RUNDC3B: variants seen among roughly 807,000 people sequenced by gnomAD.
The protein encoded by RUNDC3B is RUN domain containing 3B, also known as RUN domain-containing protein 3B.
RUNDC3B carries 33 observed loss-of-function variants against 58.4 expected under a neutral mutation model. The observed-to-expected ratio is 0.56, with a 90% CI of 0.43 to 0.75. The LOEUF (loss-of-function observed/expected upper bound fraction) is 0.75. Among genes scored for constraint, RUNDC3B ranks in the 30% least tolerant of loss-of-function variants. The pLI is 0.00. For missense variants in RUNDC3B, 501 were observed against 535.7 expected, an observed-to-expected ratio of 0.94 and a Z score of 0.64; for synonymous variants, 193 against 195.2, an observed-to-expected ratio of 0.99 and a Z score of 0.10.
intron 2 of RUNDC3B, among the ~76,000 whole-genome samples, chr7:87,688,099 A>G (rs1827651843): frequency 6.6e-6 from 1 of 152,252 alleles, no homozygotes; most frequent in East Asian, 1.9e-4. Context: ...CTTTTAGACA[A>G]TGGGAGAGGC....
In RUNDC3B at chr7:87,631,873, G is replaced by C. The variant is rs117329945; in HGVS notation, c.122+2928G>C. On this transcript the variant is annotated intron_variant, in intron 1 of 10. Coordinates refer to ENST00000394654, the MANE Select transcript of RUNDC3B (RefSeq NM_001134405.2). ...TTGTCTGTAAAATAATATTGGACTA[G>C]ATCATTGTTAACCTTCAATTATAGG... 5.0e-3 allele frequency among the ~76,000 whole-genome samples: 755 copies of C among 152,232 alleles called. 4 individuals are homozygous for C. The highest frequency in any genetic ancestry group is 0.015 in the Admixed American group (236 of 15,286).
chr7:87,719,137 T>C (rs1341622499), intron 4 of RUNDC3B, among the ~76,000 whole-genome samples: 1 of 151,166 alleles, frequency 6.6e-6, no homozygotes, highest in African/African-American at 2.4e-5. Context: ...ACACATAAAA[T>C]CAATATTCAA....
chr7:87,810,377 T>G (rs565794194), intron 9 of RUNDC3B, among the ~76,000 whole-genome samples: 1 of 152,276 alleles, frequency 6.6e-6, no homozygotes, highest in South Asian at 2.1e-4. Context: ...TGTGATTAGT[T>G]TGCTGCCTAG....
intron 4 of RUNDC3B, among the ~76,000 whole-genome samples, chr7:87,711,252 G>A (rs1042295469): frequency 4.6e-5 from 7 of 151,978 alleles, no homozygotes; most frequent in African/African-American, 1.7e-4. Context: ...TTTGAACCCA[G>A]GAGGCAGAGG....
intron 2 of RUNDC3B, among the ~76,000 whole-genome samples, chr7:87,680,621 C>T (rs1444641461): frequency 6.7e-6 from 1 of 149,972 alleles, no homozygotes; most frequent in African/African-American, 2.5e-5. Flanking sequence ...GGTGAAACCC[C>T]GTTTCTACCA....
At chr7:87,703,914 G>GTTTTTTTTTTTTT (rs35797972) in intron 3 of RUNDC3B, among the ~76,000 whole-genome samples, 119 of 42,992 alleles carry the variant, frequency 2.8e-3, no homozygotes, top group Admixed American at 3.9e-3. Flanking sequence ...TTTTTTTTTG[G>GTTTTTTTTTTTTT]TTTTTTTTTT....
At position 87,668,031 on chromosome 7, in the gene RUNDC3B, AT is replaced by A. The variant is rs566466239; in HGVS notation, c.238+17101del. ...AGGTGGGGAGGAGTCCCTCTTCCTC[AT>A]TTTTTTGGAATTATTTCAGTAGAAA... On this transcript the variant is annotated intron_variant, in intron 2 of 10. Transcript: ENST00000394654. 3.8e-3 allele frequency among the ~76,000 whole-genome samples: 571 copies of A among 151,122 alleles called. 1 individual carries two copies. The highest frequency in any genetic ancestry group is 6.4e-3 in the Non-Finnish European group (433 of 67,702).
chr7:87,665,275 T>C (rs1825111691), intron 2 of RUNDC3B, among the ~76,000 whole-genome samples: 1 of 152,096 alleles, frequency 6.6e-6, no homozygotes, highest in Admixed American at 6.6e-5. Flanking sequence ...CAAAAATAAG[T>C]TACATTTTTA....
At chr7:87,640,748 C>T (rs1163904559) in intron 1 of RUNDC3B, among the ~76,000 whole-genome samples, 1 of 152,112 alleles carries the variant, frequency 6.6e-6, no homozygotes, top group African/African-American at 2.4e-5. Flanking sequence ...CTTTATGCTT[C>T]AGCTTGTATG....
At chr7:87,696,860 C>G (rs372179306) in intron 2 of RUNDC3B, among the ~76,000 whole-genome samples, 1 of 152,158 alleles carries the variant, frequency 6.6e-6, no homozygotes, top group East Asian at 1.9e-4. Flanking sequence ...GGGTAAAAGT[C>G]CTTGTGGATA....
chr7:87,723,529 A>G (rs1312151582), intron 4 of RUNDC3B, among the ~76,000 whole-genome samples: 1 of 152,208 alleles, frequency 6.6e-6, no homozygotes, highest in Non-Finnish European at 1.5e-5. Context: ...AAAAATACCA[A>G]TCCATCATTA....
intron 6 of RUNDC3B, among the ~76,000 whole-genome samples, chr7:87,769,474 T>C (rs1834155185): frequency 6.6e-6 from 1 of 152,196 alleles, no homozygotes; most frequent in South Asian, 2.1e-4. Flanking sequence ...TGTTTTGTTT[T>C]GTTTTGTTTG....
intron 10 of RUNDC3B, among the ~76,000 whole-genome samples, chr7:87,827,230 G>A (rs1467543518): frequency 6.6e-6 from 1 of 152,186 alleles, no homozygotes; most frequent in Non-Finnish European, 1.5e-5. Flanking sequence ...GCTCATGCCT[G>A]TAATCCCAGC....
rs1041010600 is a variant in RUNDC3B, at chr7:87,782,195, T to C, written c.956+4240T>C. Among the ~76,000 whole-genome samples the C allele has an allele frequency of 1.5e-4, 23 of 152,286 alleles. No individual in the cohort carries two copies. In the East Asian group the frequency reaches 4.4e-3, roughly 29 times the overall value. Reference sequence around the variant, plus strand: ...TTCTCAATTTCTTCCTGGTTTAATCTTGGGAGATTGTGTGTTTCCGGCAAC... The same window carrying C: ...TTCTCAATTTCTTCCTGGTTTAATCCTGGGAGATTGTGTGTTTCCGGCAAC... On this transcript the variant is annotated intron_variant, in intron 8 of 10. Coordinates refer to ENST00000394654, the MANE Select transcript of RUNDC3B (RefSeq NM_001134405.2).
chr7:87,715,278 T>C (rs1053003791), intron 4 of RUNDC3B, among the ~76,000 whole-genome samples: 4 of 131,666 alleles, frequency 3.0e-5, no homozygotes, highest in East Asian at 4.1e-4. Context: ...TTATAATAAT[T>C]ATATATAATT....
At chr7:87,694,029 C>G (rs1193364183) in intron 2 of RUNDC3B, 3 of 1,587,864 alleles carry the variant, frequency 1.9e-6, no homozygotes, top group Non-Finnish European at 2.6e-6. Flanking sequence ...CGGGGGAGGG[C>G]TGTATCAGTT....
At chr7:87,651,850 A>G (rs1409122032) in intron 2 of RUNDC3B, among the ~76,000 whole-genome samples, 2 of 152,126 alleles carry the variant, frequency 1.3e-5, no homozygotes, top group East Asian at 3.8e-4. Flanking sequence ...TGGGAGAAAA[A>G]ATATGAATTC....
chr7:87,758,400 C>A (rs1275621851), intron 6 of RUNDC3B, among the ~76,000 whole-genome samples: 1 of 151,948 alleles, frequency 6.6e-6, no homozygotes, highest in African/African-American at 2.4e-5. Context: ...AACTGTGGAT[C>A]ATTGATTGGC....
At chr7:87,703,453 C>G (rs1829267584) in intron 3 of RUNDC3B, among the ~76,000 whole-genome samples, 2 of 152,206 alleles carry the variant, frequency 1.3e-5, no homozygotes, top group Admixed American at 1.3e-4. Flanking sequence ...CAGTTAATAG[C>G]TATGATTTTT....
Sources: gnomAD v4.1 joint callset for allele counts (sites outside exome capture counted in the v4.1 genomes callset) on GRCh38, gnomAD v4.1.1 for gene constraint, MANE v1.5 for transcripts, NCBI Gene and HGNC (gene_info 2026-07-23, HGNC 2026-07-21) for gene names.